Variants in ADGRA1 observed in about 807,000 individuals in gnomAD.
ADGRA1 encodes the protein adhesion G protein-coupled receptor A1, also known as G-protein coupled receptor 123.
ADGRA1 carries 12 observed loss-of-function variants against 21.3 expected under a neutral mutation model. That is an observed-to-expected ratio of 0.56 (90% confidence interval 0.36 to 0.91). ADGRA1 has a LOEUF of 0.91. ADGRA1 is among the 40% of genes least tolerant of loss of function. ADGRA1 has a pLI of 0.01. For missense variants in ADGRA1, 790 were observed against 805.6 expected (o/e 0.98, Z 0.23); for synonymous variants, 385 against 368.8 (o/e 1.04, Z -0.50).
At chr10:133,123,802 C>T (rs1316726510) in intron 5 of ADGRA1, among the ~76,000 whole-genome samples, 6 of 152,010 alleles carry the variant, frequency 3.9e-5, no homozygotes, top group African/African-American at 9.7e-5. Flanking sequence ...AGCAGCCCTG[C>T]GTCCTCTCTC....
intron 5 of ADGRA1, among the ~76,000 whole-genome samples, chr10:133,104,032 C>T (rs188629216): frequency 3.5e-4 from 53 of 152,348 alleles, no homozygotes; most frequent in African/African-American, 1.3e-3. Flanking sequence ...AGACGTGACC[C>T]GGTGCTGGCG....
intron 5 of ADGRA1, among the ~76,000 whole-genome samples, chr10:133,120,817 A>G (rs1852240311): frequency 6.6e-6 from 1 of 152,242 alleles, no homozygotes; most frequent in South Asian, 2.1e-4. Flanking sequence ...TGCATTCACA[A>G]CGTGGCTGTT....
chr10:133,124,962 G>A (rs1212066903), intron 5 of ADGRA1, among the ~76,000 whole-genome samples: 1 of 152,268 alleles, frequency 6.6e-6, no homozygotes, highest in African/African-American at 2.4e-5. Context: ...GGAGCCGGTG[G>A]TGCGCCGTGG....
chr10:133,115,521 C>T (rs1370767052), intron 5 of ADGRA1, among the ~76,000 whole-genome samples: 1 of 152,146 alleles, frequency 6.6e-6, no homozygotes, highest in Admixed American at 6.5e-5. Context: ...CCGAGAAGGG[C>T]AGCCCCCAGG....
At chr10:133,092,556 T>C (rs1046878706) in intron 2 of ADGRA1, among the ~76,000 whole-genome samples, 1 of 152,130 alleles carries the variant, frequency 6.6e-6, no homozygotes, top group South Asian at 2.1e-4. Flanking sequence ...CTGGAACACA[T>C]CCATGAAAAG....
chr10:133,114,488 C>G (rs1316309995), intron 5 of ADGRA1, among the ~76,000 whole-genome samples: 1 of 152,172 alleles, frequency 6.6e-6, no homozygotes, highest in African/African-American at 2.4e-5. Flanking sequence ...GTGCCCAGGA[C>G]AGTGGCCCTG....
In ADGRA1 at chr10:133,128,274, G is replaced by A. The variant is rs538549643; in HGVS notation, c.501-55G>A. ...CAGGGCCCTTTGCTCTGCAGGGGGC[G>A]TCCTGAGTCCTGGCCGTGCTGGCCC... is the stretch of plus-strand genomic sequence containing the variant. On this transcript the variant is annotated intron_variant, in intron 6 of 6. Transcript: ENST00000392607. 138 of 1,374,880 alleles carry A rather than the reference G, an allele frequency of 1.0e-4. 1 individual carries two copies. The Admixed American group carries it at 1.0e-3, about 10-fold the overall frequency. 85.2% of individuals were successfully genotyped at this position (1,374,880 alleles called of 1,614,324 possible).
At chr10:133,101,409 C>T (rs771826668) in intron 4 of ADGRA1, among the ~76,000 whole-genome samples, 35 of 152,302 alleles carry the variant, frequency 2.3e-4, no homozygotes, top group Non-Finnish European at 4.3e-4. Context: ...CTGGGTCCGG[C>T]GGGGTGGGGC....
At chr10:133,123,950 C>T (rs974963958) in intron 5 of ADGRA1, among the ~76,000 whole-genome samples, 1 of 152,212 alleles carries the variant, frequency 6.6e-6, no homozygotes, top group Non-Finnish European at 1.5e-5. Flanking sequence ...GAGGTGAAAC[C>T]TTCACTGGTT....
In ADGRA1 at chr10:133,106,162, G is replaced by A. The variant is rs1274301023; in HGVS notation, c.401+3320G>A. Among the ~76,000 whole-genome samples the A allele has an allele frequency of 2.6e-5, 4 of 152,198 alleles. No homozygotes were observed. The South Asian group carries it at 6.2e-4, about 24-fold the overall frequency. On this transcript the variant is annotated intron_variant, in intron 5 of 6. Transcript: ENST00000392607. ...TGGGGATCCCCGCCCTGATGGGTGT[G>A]TGGCCTGGAGCCCACACCAGGGCAA...
At chr10:133,110,775 A>T (rs1329981169) in intron 5 of ADGRA1, among the ~76,000 whole-genome samples, 1 of 152,082 alleles carries the variant, frequency 6.6e-6, no homozygotes, top group Non-Finnish European at 1.5e-5. Flanking sequence ...CCCATATCTC[A>T]CAATCCAGAT....
chr10:133,112,752 G>GTCAGT (rs1852076847), intron 5 of ADGRA1, among the ~76,000 whole-genome samples: 1 of 140,226 alleles, frequency 7.1e-6, no homozygotes, highest in Non-Finnish European at 1.6e-5. Context: ...TGCGGGCCGC[G>GTCAGT]TCGGTTATTT....
At chr10:133,100,737 A>G (rs1851776826) in intron 4 of ADGRA1, among the ~76,000 whole-genome samples, 1 of 152,260 alleles carries the variant, frequency 6.6e-6, no homozygotes, top group South Asian at 2.1e-4. Context: ...AGGGCCTGCA[A>G]GGTGCCAGGC....
chr10:133,111,930 C>CTCCA (rs1564849627), intron 5 of ADGRA1, among the ~76,000 whole-genome samples: 1 of 59,748 alleles, frequency 1.7e-5, no homozygotes, highest in Non-Finnish European at 3.4e-5. Flanking sequence ...ACCTGCCCGC[C>CTCCA]GTGAGCACCT....
chr10:133,094,934 C>T (rs1851662437), intron 2 of ADGRA1, among the ~76,000 whole-genome samples: 1 of 152,178 alleles, frequency 6.6e-6, no homozygotes, highest in Admixed American at 6.5e-5. Flanking sequence ...GGAAAACATG[C>T]TTTTCTGTGA....
chr10:133,114,809 C>T (rs1274482527), intron 5 of ADGRA1, among the ~76,000 whole-genome samples: 1 of 152,164 alleles, frequency 6.6e-6, no homozygotes, highest in Non-Finnish European at 1.5e-5. Context: ...GGGGCCGTCT[C>T]CTGAGCTGTC....
intron 2 of ADGRA1, among the ~76,000 whole-genome samples, chr10:133,091,687 A>G (rs759981611): frequency 3.3e-5 from 5 of 152,198 alleles, no homozygotes; most frequent in Non-Finnish European, 2.9e-5. Flanking sequence ...CATGTTCTCA[A>G]TGCCGGGATT....
chr10:133,097,170 C>T, intron 3 of ADGRA1, 69 bp downstream of exon 3: 1 of 1,568,882 alleles, frequency 6.4e-7, no homozygotes, highest in Non-Finnish European at 8.7e-7. Flanking sequence ...AAGGCAAGTC[C>T]CTGAAGGGCA....
intron 2 of ADGRA1, chr10:133,093,013 C>A (rs1369464214): frequency 6.3e-7 from 1 of 1,594,084 alleles, no homozygotes; most frequent in Non-Finnish European, 8.5e-7. Context: ...GAAGGTTCCT[C>A]AGCCAGTCGG....
Sources: allele counts gnomAD v4.1 joint callset (sites outside exome capture counted in the v4.1 genomes callset), GRCh38; gene constraint gnomAD v4.1.1; transcripts MANE v1.5; gene names NCBI Gene and HGNC (gene_info 2026-07-23, HGNC 2026-07-21).